The following MAP2K4 variants were observed in gnomAD, a reference collection of about 807,000 sequenced individuals.
The protein encoded by MAP2K4 is dual specificity mitogen-activated protein kinase kinase 4.
In MAP2K4, 4 loss-of-function variants were observed where a neutral mutation model predicts 48.5. The observed-to-expected ratio is 0.08, with a 90% CI of 0.04 to 0.19. The LOEUF (loss-of-function observed/expected upper bound fraction) is 0.19. Among genes scored for constraint, MAP2K4 ranks in the 10% least tolerant of loss-of-function variants. MAP2K4 has a pLI of 1.00. For missense variants in MAP2K4, 258 were observed against 493.3 expected, an observed-to-expected ratio of 0.52 and a Z score of 4.52; for synonymous variants, 166 against 173.1, an observed-to-expected ratio of 0.96 and a Z score of 0.32.
At chr17:12,034,913 G>T (rs751337016) in intron 1 of MAP2K4, among the ~76,000 whole-genome samples, 4 of 152,222 alleles carry the variant, frequency 2.6e-5, no homozygotes, top group Non-Finnish European at 5.9e-5. Flanking sequence ...AAGCAGATGT[G>T]TCTGTGCTGG....
chr17:12,084,063 G>C (rs1330611883), intron 3 of MAP2K4, among the ~76,000 whole-genome samples: 1 of 152,174 alleles, frequency 6.6e-6, no homozygotes. Context: ...AAAGTGAACT[G>C]TGATATTAGC....
intron 3 of MAP2K4, among the ~76,000 whole-genome samples, chr17:12,089,871 A>G (rs1277666056): frequency 2.6e-5 from 4 of 152,220 alleles, no homozygotes; most frequent in South Asian, 4.1e-4. Context: ...AGCATCAGTT[A>G]GAATTGATAG....
chr17:12,027,204 G>A (rs764713684), intron 1 of MAP2K4, among the ~76,000 whole-genome samples: 4 of 152,118 alleles, frequency 2.6e-5, no homozygotes, highest in East Asian at 3.9e-4. Context: ...TATTCAAGTC[G>A]TAAGACTGGC....
At chr17:12,124,395 GATAAT>G (rs1168950921) in intron 7 of MAP2K4, 1 of 152,130 alleles carries the variant, frequency 6.6e-6, no homozygotes, top group East Asian at 1.9e-4. Context: ...CGGTACATAG[GATAAT>G]ATATTACTGT....
At chr17:12,108,264 C>T (rs1972189800) in intron 5 of MAP2K4, among the ~76,000 whole-genome samples, 1 of 152,032 alleles carries the variant, frequency 6.6e-6, no homozygotes, top group South Asian at 2.1e-4. Context: ...ACAGCAGTCT[C>T]CTTGAAGCCC....
chr17:12,100,960 G>C (rs550589365), intron 4 of MAP2K4, among the ~76,000 whole-genome samples: 1 of 152,140 alleles, frequency 6.6e-6, no homozygotes, highest in African/African-American at 2.4e-5. Flanking sequence ...TTGAATACAA[G>C]TTTATTATCA....
intron 2 of MAP2K4, among the ~76,000 whole-genome samples, chr17:12,070,149 A>C (rs760784799): frequency 4.0e-5 from 6 of 151,664 alleles, no homozygotes; most frequent in Non-Finnish European, 8.8e-5. Flanking sequence ...ACATACTTCA[A>C]ACTAATTAAA....
At chr17:12,141,027 G>A (rs768721218) in intron 10 of MAP2K4, 120 bp from the exon 11 acceptor site, 8 of 661,912 alleles carry the variant, frequency 1.2e-5, no homozygotes, top group South Asian at 5.3e-5. Context: ...GTAGTGTTGC[G>A]GTATTTCATA....
chr17:12,085,612 C>T (rs934502577), intron 3 of MAP2K4, among the ~76,000 whole-genome samples: 1 of 152,018 alleles, frequency 6.6e-6, no homozygotes, highest in Non-Finnish European at 1.5e-5. Context: ...GTGAGTCTTG[C>T]TGATTCTGGC....
chr17:12,108,036 C>T lies in MAP2K4; in HGVS notation c.633+127C>T, dbSNP rs1270761541. The T allele has an allele frequency of 1.4e-5, 12 of 858,262 alleles. No homozygotes were observed. The South Asian group carries it at 1.4e-4, about 10-fold the overall frequency. The allele number at this position is 858,262 out of a possible 1,614,324, so 53.2% of individuals were successfully genotyped here. A position where few individuals can be genotyped will look rare whatever the true frequency, so the allele number is the denominator to read the frequency against. On this transcript the variant is annotated intron_variant, in intron 5 of 10. Transcript: ENST00000353533. ...CTGAAAATAATTCATAGTTAATAAC[C>T]AGAGACAAAGTCACTTCTGTGGGGT...
intron 4 of MAP2K4, among the ~76,000 whole-genome samples, chr17:12,101,125 T>C (rs1259917633): frequency 1.3e-5 from 2 of 152,154 alleles, no homozygotes; most frequent in Admixed American, 6.5e-5. Context: ...TAAGAGCTCT[T>C]GTCTAACTCA....
intron 2 of MAP2K4, among the ~76,000 whole-genome samples, chr17:12,072,689 A>C (rs1369776016): frequency 1.3e-5 from 2 of 152,208 alleles, no homozygotes; most frequent in Non-Finnish European, 2.9e-5. Context: ...ACAGGCTAAA[A>C]TTTAAGCAGT....
chr17:12,103,420 T>C (rs1240355215), intron 4 of MAP2K4, among the ~76,000 whole-genome samples: 1 of 152,064 alleles, frequency 6.6e-6, no homozygotes, highest in East Asian at 1.9e-4. Context: ...GTTCTGATTG[T>C]GGTTTCTTCC....
At chr17:12,067,323 C>G (rs897783663) in intron 2 of MAP2K4, among the ~76,000 whole-genome samples, 1 of 151,958 alleles carries the variant, frequency 6.6e-6, no homozygotes, top group Non-Finnish European at 1.5e-5. Flanking sequence ...AATTTTCAGC[C>G]CTTTTCTTGT....
chr17:12,027,162 G>A (rs1165557829), intron 1 of MAP2K4, among the ~76,000 whole-genome samples: 2 of 152,054 alleles, frequency 1.3e-5, no homozygotes, highest in African/African-American at 2.4e-5. Flanking sequence ...GGTAAGGTTG[G>A]GAGTTTAATG....
intron 2 of MAP2K4, among the ~76,000 whole-genome samples, chr17:12,066,678 A>G (rs1597431385): frequency 1.3e-5 from 2 of 150,920 alleles, no homozygotes; most frequent in South Asian, 2.1e-4. Flanking sequence ...TTAGGCATGC[A>G]CTACCACACA....
At chr17:12,098,931 G>A (rs901945368) in intron 4 of MAP2K4, among the ~76,000 whole-genome samples, 2 of 152,058 alleles carry the variant, frequency 1.3e-5, no homozygotes, top group African/African-American at 4.8e-5. Flanking sequence ...AGGGGTACAA[G>A]TGCAGTTTTT....
chr17:12,114,588 A>G (rs1052748481), intron 7 of MAP2K4, among the ~76,000 whole-genome samples: 1 of 152,150 alleles, frequency 6.6e-6, no homozygotes, highest in African/African-American at 2.4e-5. Context: ...GACATGGAGT[A>G]TTTGGGAAAT....
intron 2 of MAP2K4, among the ~76,000 whole-genome samples, chr17:12,071,507 T>G (rs900734992): frequency 5.3e-5 from 8 of 152,304 alleles, no homozygotes; most frequent in African/African-American, 1.9e-4. Flanking sequence ...AAATATTCAC[T>G]GGAGACGGAT....
Sources: gnomAD v4.1 joint callset for allele counts (sites outside exome capture counted in the v4.1 genomes callset) on GRCh38, gnomAD v4.1.1 for gene constraint, MANE v1.5 for transcripts, NCBI Gene and HGNC (gene_info 2026-07-23, HGNC 2026-07-21) for gene names.